Variants in MTCL3 observed in about 807,000 individuals in gnomAD.
MTCL3 encodes MTCL family member 3.
chr6:127,515,806 G>A, the MTCL3 span: 2 of 1,609,162 alleles, frequency 1.2e-6, no homozygotes, highest in Non-Finnish European at 8.5e-7. This position sits in a 1 kb window ranked among gnomAD's most constrained non-coding sequence, Gnocchi z 4.3. Flanking sequence ...CGCCGCCGCT[G>A]CCGCCCGCTC....
chr6:127,483,110 A>T, the MTCL3 span: 1 of 679,154 alleles, frequency 1.5e-6, no homozygotes, highest in Non-Finnish European at 2.3e-6. Flanking sequence ...CAATAATCAT[A>T]AAAGGAGGAA....
the MTCL3 span, chr6:127,515,993 C>A: frequency 6.3e-7 from 1 of 1,599,050 alleles, no homozygotes; most frequent in Non-Finnish European, 8.5e-7. The surrounding 1 kb of genome is among the most constrained non-coding windows in gnomAD (Gnocchi z 4.3). Flanking sequence ...CCGCCGCTGC[C>A]GCCCCTCTGC....
the MTCL3 span, chr6:127,475,154 T>G: frequency 2.4e-6 from 2 of 826,460 alleles, no homozygotes; most frequent in Non-Finnish European, 3.6e-6. The surrounding 1 kb of genome is among the most constrained non-coding windows in gnomAD (Gnocchi z 7.3). Context: ...AGGCCGGGGG[T>G]TTCAGGCCCC....
chr6:127,514,857 C>G, the MTCL3 span: 13 of 1,613,684 alleles, frequency 8.1e-6, no homozygotes, highest in South Asian at 1.1e-5. Flanking sequence ...CAACAGCTCC[C>G]CGTCGATTTC....
At chr6:127,482,452 TC>T in the MTCL3 span, among the ~76,000 whole-genome samples, 5 of 152,196 alleles carry the variant, frequency 3.3e-5, no homozygotes, top group Non-Finnish European at 7.4e-5. This position sits in a 1 kb window ranked among gnomAD's most constrained non-coding sequence, Gnocchi z 4.1. Context: ...TTGTCTCCTT[TC>T]TTTTGCTTCT....
the MTCL3 span, chr6:127,512,960 C>G: frequency 6.2e-7 from 1 of 1,612,188 alleles, no homozygotes; most frequent in South Asian, 1.1e-5. Context: ...GCTGTTGCCT[C>G]AGTTTCTCAT....
the MTCL3 span, chr6:127,476,096 C>T: frequency 6.2e-7 from 1 of 1,614,104 alleles, no homozygotes; most frequent in Non-Finnish European, 8.5e-7. The surrounding 1 kb of genome is among the most constrained non-coding windows in gnomAD (Gnocchi z 4.4). Context: ...TGCCGCAGCT[C>T]CGACAGGGAT....
the MTCL3 span, among the ~76,000 whole-genome samples, chr6:127,478,363 T>C: frequency 6.6e-6 from 1 of 152,174 alleles, no homozygotes; most frequent in East Asian, 1.9e-4. Flanking sequence ...GAAAGGACAG[T>C]GGAATGAAAC....
the MTCL3 span, among the ~76,000 whole-genome samples, chr6:127,474,837 C>A: frequency 7.3e-4 from 111 of 152,304 alleles, no homozygotes; most frequent in African/African-American, 2.6e-3. Flanking sequence ...CCTCGGCCTC[C>A]TAGTCTAGTC....
At chr6:127,513,014 T>C in the MTCL3 span, 1 of 1,611,826 alleles carries the variant, frequency 6.2e-7, no homozygotes, top group Admixed American at 1.7e-5. Flanking sequence ...CATTTTCTAA[T>C]TCATGGTGAA....
the MTCL3 span, chr6:127,515,439 C>G: frequency 7.4e-7 from 1 of 1,345,136 alleles, no homozygotes; most frequent in Admixed American, 3.5e-5. This position sits in a 1 kb window ranked among gnomAD's most constrained non-coding sequence, Gnocchi z 4.3. Context: ...AGCCTCTGAT[C>G]CCTGCCGGTA....
At chr6:127,474,896 A>C in the MTCL3 span, among the ~76,000 whole-genome samples, 1 of 152,178 alleles carries the variant, frequency 6.6e-6, no homozygotes, top group Non-Finnish European at 1.5e-5. Flanking sequence ...CAAAAACCAC[A>C]TATCAGCAGT....
At chr6:127,517,105 C>G in the MTCL3 span, among the ~76,000 whole-genome samples, 1 of 152,162 alleles carries the variant, frequency 6.6e-6, no homozygotes, top group Non-Finnish European at 1.5e-5. Context: ...TTTGGCTTTC[C>G]TTACCATCAA....
the MTCL3 span, chr6:127,519,134 C>CTTG: frequency 6.6e-6 from 1 of 152,334 alleles, no homozygotes; most frequent in East Asian, 1.9e-4. Flanking sequence ...GCTCAAACTC[C>CTTG]TTGCTCTATT....
chr6:127,481,352 C>CA, the MTCL3 span: 1 of 985,186 alleles, frequency 1.0e-6, no homozygotes, highest in South Asian at 4.7e-5. Context: ...GCTGTAGTGA[C>CA]AGAGTATATT....
chr6:127,492,629 T>C, the MTCL3 span, among the ~76,000 whole-genome samples: 3 of 152,170 alleles, frequency 2.0e-5, no homozygotes. Flanking sequence ...CACGATGTTC[T>C]CCTGCCTCAG....
the MTCL3 span, chr6:127,516,121 T>C: frequency 6.8e-7 from 1 of 1,463,160 alleles, no homozygotes; most frequent in Non-Finnish European, 9.0e-7. Context: ...TCCTCCCCCT[T>C]CTCCGAGCGG....
At chr6:127,516,770 T>A in the MTCL3 span, 1 of 1,304,070 alleles carries the variant, frequency 7.7e-7, no homozygotes, top group Non-Finnish European at 1.0e-6. Context: ...AGGGTGATAT[T>A]GCTCCATTTG....
the MTCL3 span, chr6:127,515,532 C>T: frequency 6.9e-7 from 1 of 1,457,026 alleles, no homozygotes. This position sits in a 1 kb window ranked among gnomAD's most constrained non-coding sequence, Gnocchi z 4.3. Flanking sequence ...TCTCGTTTTC[C>T]TCTCGCAGCT....
Sources: allele counts gnomAD v4.1 joint callset (sites outside exome capture counted in the v4.1 genomes callset), GRCh38; gene constraint gnomAD v4.1.1; non-coding constraint Gnocchi (gnomAD v3.1); transcripts MANE v1.5; gene names NCBI Gene and HGNC (gene_info 2026-07-23, HGNC 2026-07-21).